The following PRKG1 variants were observed in gnomAD, a reference collection of about 807,000 sequenced individuals.
The protein encoded by PRKG1 is protein kinase cGMP-dependent 1.
In PRKG1, 35 loss-of-function variants were observed where a neutral mutation model predicts 88.1. The observed-to-expected ratio is 0.40, with a 90% CI of 0.30 to 0.53. PRKG1 has a LOEUF of 0.53. PRKG1 is among the 20% of genes least tolerant of loss of function. The pLI is 0.59. For missense variants in PRKG1, 540 were observed against 839.8 expected (o/e 0.64, Z 4.41); for synonymous variants, 303 against 292.5 (o/e 1.04, Z -0.37).
intron 3 of PRKG1, among the ~76,000 whole-genome samples, chr10:51,729,250 G>A (rs1254105095): frequency 6.6e-6 from 1 of 152,178 alleles, no homozygotes; most frequent in Non-Finnish European, 1.5e-5. Flanking sequence ...TCTAGTTCAT[G>A]CTCATGTTCA....
chr10:51,708,196 A>G (rs1841656339), intron 3 of PRKG1, among the ~76,000 whole-genome samples: 1 of 152,132 alleles, frequency 6.6e-6, no homozygotes, highest in African/African-American at 2.4e-5. Context: ...TGGCTTGCAA[A>G]TGGCTGCCTC....
chr10:52,274,518 CAT>C (rs371343306), intron 12 of PRKG1, among the ~76,000 whole-genome samples: 242 of 143,116 alleles, frequency 1.7e-3, no homozygotes, highest in South Asian at 3.4e-3. Context: ...TACATGCCAT[CAT>C]ATATATATAT....
chr10:51,279,307 G>C (rs1295425954), intron 2 of PRKG1, among the ~76,000 whole-genome samples: 1 of 152,190 alleles, frequency 6.6e-6, no homozygotes, highest in Non-Finnish European at 1.5e-5. Context: ...TGATTGCACT[G>C]TGGTCTGAGA....
At chr10:52,149,602 G>T (rs1837843546) in intron 8 of PRKG1, among the ~76,000 whole-genome samples, 1 of 152,044 alleles carries the variant, frequency 6.6e-6, no homozygotes, top group Admixed American at 6.6e-5. Context: ...ATGTGAGGAT[G>T]CCGTGAGTAG....
chr10:51,735,780 G>C (rs927087465), intron 3 of PRKG1, among the ~76,000 whole-genome samples: 2 of 150,640 alleles, frequency 1.3e-5, no homozygotes, highest in African/African-American at 4.9e-5. Flanking sequence ...GTTTGGTACA[G>C]AGGCAATTTT....
At chr10:51,749,545 TC>T (rs1837666811) in intron 3 of PRKG1, among the ~76,000 whole-genome samples, 1 of 152,078 alleles carries the variant, frequency 6.6e-6, no homozygotes, top group South Asian at 2.1e-4. Flanking sequence ...CTTAATTACC[TC>T]CCCAAAGCCC....
intron 1 of PRKG1, among the ~76,000 whole-genome samples, chr10:51,120,282 T>C (rs941866070): frequency 2.0e-5 from 3 of 152,084 alleles, no homozygotes; most frequent in African/African-American, 7.2e-5. Flanking sequence ...ATATGAATAT[T>C]AGGGAGGGCA....
chr10:51,109,640 C>A (rs766126655), intron 1 of PRKG1, among the ~76,000 whole-genome samples: 7 of 152,084 alleles, frequency 4.6e-5, no homozygotes, highest in Non-Finnish European at 1.0e-4. Context: ...TATATGTAAA[C>A]CTTCCATCTT....
intron 2 of PRKG1, among the ~76,000 whole-genome samples, chr10:51,460,660 G>T (rs1839721236): frequency 6.6e-6 from 1 of 152,120 alleles, no homozygotes; most frequent in African/African-American, 2.4e-5. Flanking sequence ...AAAAGATAAT[G>T]CACAGAAAGC....
At chr10:51,281,737 G>A (rs1003090422) in intron 2 of PRKG1, among the ~76,000 whole-genome samples, 5 of 152,184 alleles carry the variant, frequency 3.3e-5, no homozygotes, top group African/African-American at 1.2e-4. Context: ...TCCATGGTAA[G>A]GGGTAGGGGC....
chr10:51,225,935 G>C (rs1005197507), intron 2 of PRKG1, among the ~76,000 whole-genome samples: 4 of 152,140 alleles, frequency 2.6e-5, no homozygotes, highest in African/African-American at 9.6e-5. Flanking sequence ...TGGGCGCGAT[G>C]GCTCATGTTT....
At position 50,994,401 on chromosome 10, in the gene PRKG1, A is replaced by ATTTTT. The variant is rs562018970; in HGVS notation, c.266+2779_266+2783dup. Among the ~76,000 whole-genome samples the ATTTTT allele has an allele frequency of 3.6e-4, 32 of 87,680 alleles. 1 individual carries two copies. Among genetic ancestry groups the ATTTTT allele is most frequent in the African/African-American group, 1.0e-3 (22 of 21,436 alleles). The allele number at this position is 87,680 out of a possible 152,430, so 57.5% of individuals were successfully genotyped here. On this transcript the variant is annotated intron_variant, in intron 1 of 17. Transcript: ENST00000401604. ...TAGATATTCCATCACCTCACCTGTA[A>ATTTTT]TTTTTTTTTTTTTTTTTTTTTTTTT...
intron 3 of PRKG1, chr10:51,699,572 G>C (rs759919522): frequency 2.5e-6 from 4 of 1,587,988 alleles, no homozygotes; most frequent in Non-Finnish European, 3.4e-6. Flanking sequence ...GCAGACAGCC[G>C]ATAGCGGATT....
intron 5 of PRKG1, among the ~76,000 whole-genome samples, chr10:51,975,394 G>T (rs1478176857): frequency 6.6e-6 from 1 of 151,914 alleles, no homozygotes; most frequent in African/African-American, 2.4e-5. Flanking sequence ...TCAAGCGGGG[G>T]AAATAGGTTA....
chr10:51,037,440 A>AT (rs1417183097), intron 1 of PRKG1, among the ~76,000 whole-genome samples: 1 of 152,056 alleles, frequency 6.6e-6, no homozygotes, highest in Non-Finnish European at 1.5e-5. Context: ...CTCAGCCTGG[A>AT]TGACAGCGTG....
At chr10:51,985,527 G>A (rs544344198) in intron 5 of PRKG1, among the ~76,000 whole-genome samples, 4 of 152,074 alleles carry the variant, frequency 2.6e-5, no homozygotes, top group Non-Finnish European at 5.9e-5. Flanking sequence ...TCTTTTTTAA[G>A]ATTGCTTCTG....
chr10:51,513,960 T>A, intron 3 of PRKG1, among the ~76,000 whole-genome samples: 1 of 140,022 alleles, frequency 7.1e-6, no homozygotes. Flanking sequence ...AACAAACACA[T>A]TCAAAAGCTA....
intron 3 of PRKG1, among the ~76,000 whole-genome samples, chr10:51,664,635 G>A (rs1489734147): frequency 2.0e-5 from 3 of 152,068 alleles, no homozygotes; most frequent in Non-Finnish European, 2.9e-5. Context: ...GATACTGAGG[G>A]CGAATAAGAT....
At chr10:51,702,525 C>T (rs1366572172) in intron 3 of PRKG1, among the ~76,000 whole-genome samples, 2 of 152,074 alleles carry the variant, frequency 1.3e-5, no homozygotes, top group Middle Eastern at 3.2e-3. Flanking sequence ...GCATGGCATA[C>T]ACTCTGAAGA....
Sources: gnomAD v4.1 joint callset for allele counts (sites outside exome capture counted in the v4.1 genomes callset) on GRCh38, gnomAD v4.1.1 for gene constraint, MANE v1.5 for transcripts, NCBI Gene and HGNC (gene_info 2026-07-23, HGNC 2026-07-21) for gene names.